XPOT: variants seen among roughly 807,000 people sequenced by gnomAD.
The protein encoded by XPOT is exportin-T.
In XPOT, 34 loss-of-function variants were observed where a neutral mutation model predicts 128.2. The ratio of observed to expected loss-of-function variants is 0.27; its 90% CI spans 0.20 to 0.35. XPOT has a LOEUF of 0.35. XPOT is among the 10% of genes least tolerant of loss of function. The pLI is 1.00. For missense variants in XPOT, 838 were observed against 1,125.3 expected, an observed-to-expected ratio of 0.74 and a Z score of 3.65; for synonymous variants, 348 against 394.3, an observed-to-expected ratio of 0.88 and a Z score of 1.39.
At chr12:64,434,744 T>G in intron 20 of XPOT, 50 bp from the exon 21 acceptor site, 2 of 1,578,470 alleles carry the variant, frequency 1.3e-6, no homozygotes, top group Non-Finnish European at 1.7e-6. Context: ...GGTGATGAAT[T>G]AATTGACTTA....
chr12:64,439,577 G>A (rs1376172364), intron 23 of XPOT, among the ~76,000 whole-genome samples: 1 of 151,956 alleles, frequency 6.6e-6, no homozygotes, highest in African/African-American at 2.4e-5. Flanking sequence ...AGTATAATTG[G>A]CTTCTATCGT....
At chr12:64,438,039 TAAGAG>T (rs886425807) in intron 22 of XPOT, among the ~76,000 whole-genome samples, 29 of 152,196 alleles carry the variant, frequency 1.9e-4, no homozygotes, top group Non-Finnish European at 7.4e-5. Context: ...TTATGAAAGA[TAAGAG>T]AAGACAGTCT....
chr12:64,449,066 A>G lies in XPOT; in HGVS notation c.*935A>G, dbSNP rs1455885753. 6.6e-6 allele frequency: 1 copy of G among 152,302 alleles called. No homozygotes were observed. Among genetic ancestry groups the G allele is most frequent in the Non-Finnish European group, 1.5e-5 (1 of 68,220 alleles). The allele number at this position is 152,302 out of a possible 1,614,324, so 9.4% of individuals were successfully genotyped here. A position where few individuals can be genotyped will look rare whatever the true frequency, so the allele number is the denominator to read the frequency against. ...ATACAACAGCCAGGTGTGATGGTGC[A>G]CGCTCGTAATCCCGGCTACTCAGGA... On this transcript the variant is annotated 3_prime_UTR_variant, in exon 25 of 25. Transcript: ENST00000332707.
intron 22 of XPOT, among the ~76,000 whole-genome samples, chr12:64,437,993 AAAC>A (rs1464927075): frequency 6.6e-6 from 1 of 152,168 alleles, no homozygotes; most frequent in Non-Finnish European, 1.5e-5. Flanking sequence ...AACAAAAACA[AAAC>A]AAAATGAAAA....
intron 1 of XPOT, among the ~76,000 whole-genome samples, chr12:64,407,487 A>AG (rs2039994060): frequency 6.6e-6 from 1 of 151,844 alleles, no homozygotes; most frequent in Non-Finnish European, 1.5e-5. Context: ...CTGTCTCAAA[A>AG]AAAAAAAAAA....
In XPOT at chr12:64,424,951, A is replaced by T. The variant is rs1592332173; in HGVS notation, c.1308-87A>T. ...TGCTATGACTTTTTAATAATTAAAA[A>T]GGCTTTTGTTGGTGTCTTACCCTGT... On this transcript the variant is annotated intron_variant, in intron 12 of 24. Transcript: ENST00000332707. The T allele has an allele frequency of 3.3e-6, 5 of 1,502,176 alleles. No homozygotes were observed. The East Asian group carries it at 1.1e-4, about 34-fold the overall frequency. The allele number at this position is 1,502,176 out of a possible 1,614,324, so 93.1% of individuals were successfully genotyped here.
intron 15 of XPOT, among the ~76,000 whole-genome samples, chr12:64,427,288 T>A (rs1015782765): frequency 1.3e-5 from 2 of 151,532 alleles, no homozygotes; most frequent in Non-Finnish European, 2.9e-5. Context: ...CCCGGCTAAT[T>A]TTTTGTATTT....
chr12:64,450,989 G>C lies in XPOT; in HGVS notation c.*2858G>C, dbSNP rs1454671602. ...TTTACTGGTGGAAGGAACTTTAACA[G>C]GTCTTCGCTCTTGTCATTAGATATC... On this transcript the variant is annotated 3_prime_UTR_variant, in exon 25 of 25. Coordinates refer to ENST00000332707, the MANE Select transcript of XPOT (RefSeq NM_007235.6). 1 of 152,192 alleles carries C rather than the reference G, an allele frequency of 6.6e-6. No individual in the cohort carries two copies. The highest frequency in any genetic ancestry group is 6.5e-5 in the Admixed American group (1 of 15,274). The allele number at this position is 152,192 out of a possible 1,614,324, so 9.4% of individuals were successfully genotyped here. A position where few individuals can be genotyped will look rare whatever the true frequency, so the allele number is the denominator to read the frequency against.
chr12:64,434,476 A>G (rs555086358), intron 19 of XPOT, 31 bp from the exon 20 acceptor site: 1 of 1,527,560 alleles, frequency 6.5e-7, no homozygotes, highest in Admixed American at 1.7e-5. Flanking sequence ...TAATTTTGGA[A>G]ATTGCTTAAA....
chr12:64,409,369 A>G (rs1210847628), intron 1 of XPOT, among the ~76,000 whole-genome samples: 3 of 150,780 alleles, frequency 2.0e-5, no homozygotes, highest in Middle Eastern at 3.2e-3. Context: ...AAAGTAGAAA[A>G]TGATTACTTT....
At chr12:64,442,617 A>C (rs2040334885) in intron 23 of XPOT, 1 of 152,364 alleles carries the variant, frequency 6.6e-6, no homozygotes, top group South Asian at 2.1e-4. Context: ...TCCCATCAGA[A>C]CTACTTTGAA....
chr12:64,434,428 A>T (rs2040265991), intron 19 of XPOT, 79 bp from the exon 20 acceptor site: 2 of 902,060 alleles, frequency 2.2e-6, no homozygotes, highest in Admixed American at 2.0e-5. Context: ...TGACTTGTTA[A>T]TGTATATGAA....
chr12:64,431,230 C>A (rs1379735152), intron 17 of XPOT, among the ~76,000 whole-genome samples: 3 of 152,168 alleles, frequency 2.0e-5, no homozygotes, highest in Admixed American at 6.5e-5. Context: ...AAGCATGAGC[C>A]ACAATACCCA....
At chr12:64,412,647 A>G (rs955364126) in intron 2 of XPOT, among the ~76,000 whole-genome samples, 2 of 152,314 alleles carry the variant, frequency 1.3e-5, no homozygotes, top group East Asian at 1.9e-4. Flanking sequence ...TCCAATACCA[A>G]CAACCAACTC....
At position 64,424,586 on chromosome 12, in the gene XPOT, A is replaced by G; in HGVS notation, c.1183-13A>G. ...ATAAGTTTTTTGAATGAGGATTTTA[A>G]CCTGTATCATAGGGTGAAGATGAAG... is the stretch of plus-strand genomic sequence containing the variant. On this transcript the variant is annotated splice_polypyrimidine_tract_variant and intron_variant, in intron 11 of 24. Transcript: ENST00000332707. 1 of 1,611,246 alleles carries G rather than the reference A, an allele frequency of 6.2e-7. No homozygotes were observed. The highest frequency in any genetic ancestry group is 8.5e-7 in the Non-Finnish European group (1 of 1,179,580).
chr12:64,404,406 T>TGCTGGC lies in XPOT; in HGVS notation c.-470_-465dup, dbSNP rs2039955579. On this transcript the variant is annotated 5_prime_UTR_variant, in exon 1 of 25. Coordinates refer to ENST00000332707, the MANE Select transcript of XPOT (RefSeq NM_007235.6). ...CTGCCGCCCGCACTCTCCAAGAGAC[T>TGCTGGC]GCTGGCGCCGGCGCCCGCCCGCGCG... 1 of 151,980 alleles carries TGCTGGC rather than the reference T, an allele frequency of 6.6e-6. No homozygotes were observed. The highest frequency in any genetic ancestry group is 1.9e-4 in the East Asian group (1 of 5,140). 9.4% of individuals were successfully genotyped at this position (151,980 alleles called of 1,614,324 possible).
intron 2 of XPOT, among the ~76,000 whole-genome samples, chr12:64,411,238 T>A (rs959463189): frequency 6.6e-6 from 1 of 152,264 alleles, no homozygotes; most frequent in Non-Finnish European, 1.5e-5. Flanking sequence ...TAGGGTTTTA[T>A]GCTACCTACC....
intron 15 of XPOT, 74 bp from the exon 16 acceptor site, chr12:64,427,976 TA>T: frequency 1.0e-6 from 1 of 1,004,154 alleles, no homozygotes; most frequent in Non-Finnish European, 1.5e-6. Context: ...AGTTCTGTCT[TA>T]AAGGGGGAAT....
At chr12:64,448,054 A>C (rs1441644119) in intron 24 of XPOT, 51 bp from the exon 25 acceptor site, 11 of 1,540,524 alleles carry the variant, frequency 7.1e-6, no homozygotes, top group Non-Finnish European at 9.9e-6. Context: ...CTTCAGGTGA[A>C]AGTGATATCT....
Sources: gnomAD v4.1 joint callset for allele counts (sites outside exome capture counted in the v4.1 genomes callset) on GRCh38, gnomAD v4.1.1 for gene constraint, MANE v1.5 for transcripts, NCBI Gene and HGNC (gene_info 2026-07-23, HGNC 2026-07-21) for gene names.